PLEKHA2: variants seen among roughly 807,000 people sequenced by gnomAD.
PLEKHA2 encodes pleckstrin homology domain-containing family A member 2.
A neutral mutation model predicts 53.2 loss-of-function variants in PLEKHA2; 28 were observed. That is an observed-to-expected ratio of 0.53 (90% confidence interval 0.39 to 0.72). The LOEUF (loss-of-function observed/expected upper bound fraction) is 0.72, where lower values mean the gene tolerates loss of function less well. Among genes scored for constraint, PLEKHA2 ranks in the 30% least tolerant of loss-of-function variants. PLEKHA2 has a pLI of 0.00. For synonymous variants in PLEKHA2, 193 were observed against 196.4 expected, an observed-to-expected ratio of 0.98 and a Z score of 0.14; for missense variants, 426 against 537.9, an observed-to-expected ratio of 0.79 and a Z score of 2.06.
At chr8:38,904,170 T>C (rs1021061430) in intron 1 of PLEKHA2, among the ~76,000 whole-genome samples, 1 of 152,140 alleles carries the variant, frequency 6.6e-6, no homozygotes, top group Non-Finnish European at 1.5e-5. Flanking sequence ...CGGGGGTTGG[T>C]GTAGTGAGAC....
At position 38,952,283 on chromosome 8, in the gene PLEKHA2, A is replaced by C. The variant is rs752432402; in HGVS notation, c.604A>C (p.Ser202Arg). ...RASTGPPLIK[S>R]GYCVKQGNVR... ...TTCCACTGGGCCTCCCCTCATTAAGAGTGGTTACTGCGTGAAGCAAGGGAA... is the reference window on the plus strand; with the variant it reads ...TTCCACTGGGCCTCCCCTCATTAAGCGTGGTTACTGCGTGAAGCAAGGGAA... The change falls in exon 7 of 12, where the codon AGT becomes CGT. Residue 202 changes from serine to arginine, a missense_variant. Transcript: ENST00000617275. 6.2e-7 allele frequency: 1 copy of C among 1,612,832 alleles called. No individual in the cohort carries two copies. Among genetic ancestry groups the C allele is most frequent in the Non-Finnish European group, 8.5e-7 (1 of 1,179,532 alleles).
At chr8:38,913,419 A>G (rs1833984890) in intron 1 of PLEKHA2, among the ~76,000 whole-genome samples, 1 of 151,942 alleles carries the variant, frequency 6.6e-6, no homozygotes, top group Non-Finnish European at 1.5e-5. Flanking sequence ...CAGGCTAAAA[A>G]GGGGAAATTT....
At chr8:38,935,920 G>T in intron 2 of PLEKHA2, 74 bp from the exon 3 acceptor site, 1 of 1,439,016 alleles carries the variant, frequency 6.9e-7, no homozygotes, top group Non-Finnish European at 9.8e-7. Flanking sequence ...CATAAACAGA[G>T]CTAGAATCTT....
intron 1 of PLEKHA2, among the ~76,000 whole-genome samples, chr8:38,903,886 CCT>C (rs367635216): frequency 2.2e-3 from 335 of 152,282 alleles, no homozygotes; most frequent in African/African-American, 7.7e-3. Context: ...TGCTCTGCCC[CCT>C]CTCTTTTTCC....
At chr8:38,927,247 G>A (rs1389049464) in intron 2 of PLEKHA2, among the ~76,000 whole-genome samples, 2 of 152,122 alleles carry the variant, frequency 1.3e-5, no homozygotes, top group Non-Finnish European at 2.9e-5. Flanking sequence ...GGTGGCTCAT[G>A]TCTGTAATCC....
At chr8:38,921,453 C>T (rs1834192675) in intron 2 of PLEKHA2, among the ~76,000 whole-genome samples, 1 of 152,218 alleles carries the variant, frequency 6.6e-6, no homozygotes, top group African/African-American at 2.4e-5. Flanking sequence ...GTTGTGCTGT[C>T]AGTGGCAGAT....
chr8:38,915,093 C>T (rs1203138607), intron 1 of PLEKHA2, among the ~76,000 whole-genome samples: 4 of 152,066 alleles, frequency 2.6e-5, no homozygotes, highest in East Asian at 1.9e-4. Flanking sequence ...ACTACAGGCA[C>T]GCCACCGTGC....
rs766486447 is a variant in PLEKHA2, at chr8:38,969,793, G to A, written c.*10G>A. 7.8e-6 allele frequency: 12 copies of A among 1,534,608 alleles called. No individual in the cohort carries two copies. In the African/African-American group the frequency reaches 1.5e-4, roughly 19 times the overall value. ...GACCTCTGATGTGTGATGGAGCACA[G>A]TGCCATGGGAGGGAGGGAGGGAGGG... On this transcript the variant is annotated 3_prime_UTR_variant, in exon 12 of 12. Coordinates refer to ENST00000617275, the MANE Select transcript of PLEKHA2 (RefSeq NM_021623.2).
intron 2 of PLEKHA2, among the ~76,000 whole-genome samples, chr8:38,919,093 C>T (rs898735902): frequency 3.3e-5 from 5 of 152,234 alleles, no homozygotes; most frequent in African/African-American, 1.2e-4. Flanking sequence ...TCTTTGGTCT[C>T]CTGACTCAGG....
Position 38,969,941 on chromosome 8 carries a change from C to CTCTG in PLEKHA2, c.*159_*160insCTGT, listed in dbSNP as rs1835215685. The CTCTG allele has an allele frequency of 8.6e-6, 6 of 697,816 alleles. No individual in the cohort carries two copies. The highest frequency in any genetic ancestry group is 8.3e-5 in the South Asian group (4 of 48,254). 43.2% of individuals were successfully genotyped at this position (697,816 alleles called of 1,614,324 possible). ...GGAGGGAGGGGCCCATCCAGCTGGGCTGTGTGTGTGTGTGTGTGTGTGTGT... is the reference window on the plus strand; with the variant it reads ...GGAGGGAGGGGCCCATCCAGCTGGGCTCTGTGTGTGTGTGTGTGTGTGTGTGTGT... On this transcript the variant is annotated 3_prime_UTR_variant, in exon 12 of 12. Coordinates refer to ENST00000617275, the MANE Select transcript of PLEKHA2 (RefSeq NM_021623.2).
At chr8:38,908,252 G>C (rs1833907584) in intron 1 of PLEKHA2, among the ~76,000 whole-genome samples, 1 of 152,200 alleles carries the variant, frequency 6.6e-6, no homozygotes. Flanking sequence ...AGGAGAAAGA[G>C]GGAAAGGCGC....
In PLEKHA2 at chr8:38,961,111, A is replaced by AT. The variant is rs1414089465; in HGVS notation, c.837+3733dup. 3.9e-5 allele frequency among the ~76,000 whole-genome samples: 6 copies of AT among 152,206 alleles called. No homozygotes were observed. In the East Asian group the frequency reaches 7.7e-4, roughly 20 times the overall value. On this transcript the variant is annotated intron_variant, in intron 10 of 11. Coordinates refer to ENST00000617275, the MANE Select transcript of PLEKHA2 (RefSeq NM_021623.2). ...TATTAAGCTCATGGAGGTAGCCAGA[A>AT]TTTTTTTTGAAATTCTAGTTTTTGC...
chr8:38,916,062 A>C (rs1834054801), intron 1 of PLEKHA2, among the ~76,000 whole-genome samples: 1 of 151,870 alleles, frequency 6.6e-6, no homozygotes. Flanking sequence ...TATAACCTCC[A>C]GCTCCTGAGT....
At chr8:38,949,186 A>C (rs1212043759) in intron 5 of PLEKHA2, among the ~76,000 whole-genome samples, 1 of 150,302 alleles carries the variant, frequency 6.7e-6, no homozygotes, top group Non-Finnish European at 1.5e-5. Flanking sequence ...TCAGCTGTTA[A>C]TCCTGGCTTT....
At chr8:38,924,266 G>T (rs1199611759) in intron 2 of PLEKHA2, among the ~76,000 whole-genome samples, 1 of 152,198 alleles carries the variant, frequency 6.6e-6, no homozygotes, top group African/African-American at 2.4e-5. Flanking sequence ...TGGGGCAGAG[G>T]TGAGCTCGCC....
intron 3 of PLEKHA2, among the ~76,000 whole-genome samples, chr8:38,938,560 T>A (rs778510238): frequency 2.0e-5 from 3 of 152,214 alleles, no homozygotes; most frequent in Non-Finnish European, 2.9e-5. Context: ...GCAGCTCCTG[T>A]GGTCTGTGTT....
chr8:38,960,359 G>T (rs754504369), intron 10 of PLEKHA2, among the ~76,000 whole-genome samples: 1 of 152,084 alleles, frequency 6.6e-6, no homozygotes, highest in South Asian at 2.1e-4. Context: ...TGCACCTGTC[G>T]TCCCAGCTAC....
chr8:38,908,241 C>T (rs892700798), intron 1 of PLEKHA2, among the ~76,000 whole-genome samples: 3 of 152,118 alleles, frequency 2.0e-5, no homozygotes, highest in African/African-American at 7.2e-5. Context: ...ACCACACCAG[C>T]AGGAGAAAGA....
At position 38,969,808 on chromosome 8, in the gene PLEKHA2, G is replaced by T; in HGVS notation, c.*25G>T. The T allele has an allele frequency of 6.5e-7, 1 of 1,540,408 alleles. No individual in the cohort carries two copies. The highest frequency in any genetic ancestry group is 1.2e-5 in the South Asian group (1 of 83,334). On this transcript the variant is annotated 3_prime_UTR_variant, in exon 12 of 12. Coordinates refer to ENST00000617275, the MANE Select transcript of PLEKHA2 (RefSeq NM_021623.2). ...ATGGAGCACAGTGCCATGGGAGGGA[G>T]GGAGGGAGGGAGGACTTGAGAGAAG...
Sources: allele counts gnomAD v4.1 joint callset (sites outside exome capture counted in the v4.1 genomes callset), GRCh38; gene constraint gnomAD v4.1.1; transcripts MANE v1.5; gene names NCBI Gene and HGNC (gene_info 2026-07-23, HGNC 2026-07-21).